Variants in DTNB observed in about 807,000 individuals in gnomAD.
DTNB encodes the protein dystrobrevin beta.
Under a neutral mutation model 90.7 loss-of-function variants are expected in DTNB, and 63 were observed. The ratio of observed to expected loss-of-function variants is 0.69; its 90% CI spans 0.57 to 0.86. The LOEUF (loss-of-function observed/expected upper bound fraction) is 0.86. Among genes scored for constraint, DTNB ranks in the 40% least tolerant of loss-of-function variants. The probability of loss-of-function intolerance (pLI) is 0.00; values close to 1 mark genes in which losing one functional copy is unlikely to be tolerated. For synonymous variants in DTNB, 277 were observed against 286.7 expected (o/e 0.97, Z 0.34); for missense variants, 744 against 807.1 (o/e 0.92, Z 0.95).
At chr2:25,660,002 T>C (rs1165769066) in intron 1 of DTNB, among the ~76,000 whole-genome samples, 1 of 152,152 alleles carries the variant, frequency 6.6e-6, no homozygotes, top group Non-Finnish European at 1.5e-5. Flanking sequence ...GAAAACTTAC[T>C]ACAAAACCAC....
intron 9 of DTNB, among the ~76,000 whole-genome samples, chr2:25,504,095 C>G (rs1299654622): frequency 6.6e-6 from 1 of 152,042 alleles, no homozygotes; most frequent in African/African-American, 2.4e-5. Flanking sequence ...TGGTGAAACC[C>G]TGTCTCTACT....
intron 2 of DTNB, 108 bp downstream of exon 2, chr2:25,652,486 A>C: frequency 8.7e-7 from 1 of 1,148,868 alleles, no homozygotes; most frequent in African/African-American, 1.6e-5. Flanking sequence ...CCCTCTGCAA[A>C]GCTTATAACA....
intron 16 of DTNB, among the ~76,000 whole-genome samples, chr2:25,408,216 G>A (rs2045710756): frequency 6.6e-6 from 1 of 152,148 alleles, no homozygotes; most frequent in African/African-American, 2.4e-5. Flanking sequence ...GGCTGAGGCA[G>A]GAGAATTACT....
chr2:25,535,145 GGGGCAACCGGGCAGAGGTA>G (rs2079195464), intron 8 of DTNB, among the ~76,000 whole-genome samples: 1 of 146,744 alleles, frequency 6.8e-6, no homozygotes, highest in African/African-American at 2.5e-5. Context: ...CTTCCCATTC[GGGGCAACCGGGCAGAGGTA>G]CTCCTCACTT....
At chr2:25,444,804 G>A (rs1272751907) in intron 12 of DTNB, among the ~76,000 whole-genome samples, 1 of 152,144 alleles carries the variant, frequency 6.6e-6, no homozygotes, top group Admixed American at 6.5e-5. Flanking sequence ...AAATTCTTTC[G>A]AGCACTACAC....
intron 1 of DTNB, among the ~76,000 whole-genome samples, chr2:25,665,653 A>G (rs1301623535): frequency 6.6e-6 from 1 of 152,120 alleles, no homozygotes; most frequent in East Asian, 1.9e-4. Flanking sequence ...GTGATGACTA[A>G]GACTCTCATT....
At chr2:25,455,713 G>T (rs746403425) in intron 10 of DTNB, among the ~76,000 whole-genome samples, 2 of 152,226 alleles carry the variant, frequency 1.3e-5, no homozygotes, top group African/African-American at 4.8e-5. Flanking sequence ...TCCTTCAGGA[G>T]TGGCGCTGGC....
chr2:25,521,547 C>T (rs1317073963), intron 9 of DTNB, among the ~76,000 whole-genome samples: 1 of 151,940 alleles, frequency 6.6e-6, no homozygotes, highest in Non-Finnish European at 1.5e-5. Flanking sequence ...CTGTACCCGC[C>T]TAATTTTTAT....
chr2:25,652,053 T>G (rs1473842629), intron 2 of DTNB, among the ~76,000 whole-genome samples: 2 of 152,250 alleles, frequency 1.3e-5, no homozygotes, highest in African/African-American at 4.8e-5. Flanking sequence ...CTGCAAGGAT[T>G]GGGAACCACC....
intron 8 of DTNB, among the ~76,000 whole-genome samples, chr2:25,563,030 G>A (rs6722545): frequency 0.31 from 47,338 of 151,962 alleles, 8,788 homozygotes; most frequent in East Asian, 0.51. Flanking sequence ...TCAGCCTCCC[G>A]AAGTGCTGGG....
At chr2:25,419,295 T>C (rs1243146060) in intron 16 of DTNB, 7 of 658,760 alleles carry the variant, frequency 1.1e-5, no homozygotes, top group Non-Finnish European at 1.9e-5. Context: ...AGATGGGTAC[T>C]TACAAGCTCT....
intron 16 of DTNB, among the ~76,000 whole-genome samples, chr2:25,404,671 A>G (rs773588701): frequency 6.6e-6 from 1 of 152,148 alleles, no homozygotes; most frequent in Non-Finnish European, 1.5e-5. Context: ...CCTGGCCAAC[A>G]TGGTGAAACC....
At chr2:25,490,734 A>C (rs1450110950) in intron 9 of DTNB, among the ~76,000 whole-genome samples, 2 of 152,206 alleles carry the variant, frequency 1.3e-5, no homozygotes, top group Non-Finnish European at 1.5e-5. Flanking sequence ...CAGCATATAG[A>C]AGATAACAAA....
chr2:25,644,462 G>T (rs1040567080), intron 2 of DTNB, among the ~76,000 whole-genome samples: 6 of 152,180 alleles, frequency 3.9e-5, no homozygotes, highest in Non-Finnish European at 8.8e-5. Context: ...ATTTATGATT[G>T]AAAAAATTTT....
intron 8 of DTNB, among the ~76,000 whole-genome samples, chr2:25,559,192 G>A (rs1213685804): frequency 6.6e-6 from 1 of 152,038 alleles, no homozygotes; most frequent in African/African-American, 2.4e-5. Context: ...CCCCTCACGC[G>A]ACCCCAATCC....
At chr2:25,623,805 CA>C (rs2073427278) in intron 4 of DTNB, among the ~76,000 whole-genome samples, 1 of 152,084 alleles carries the variant, frequency 6.6e-6, no homozygotes, top group African/African-American at 2.4e-5. Flanking sequence ...CCAGAAACAA[CA>C]AACAGTACAA....
At chr2:25,655,293 T>A (rs1466631682) in intron 1 of DTNB, among the ~76,000 whole-genome samples, 2 of 152,092 alleles carry the variant, frequency 1.3e-5, no homozygotes, top group Non-Finnish European at 2.9e-5. Context: ...TATGCAGAGG[T>A]CTTAGCTGGG....
chr2:25,596,359 T>C, intron 5 of DTNB, 119 bp from the exon 6 acceptor site: 1 of 1,211,866 alleles, frequency 8.3e-7, no homozygotes, highest in South Asian at 1.7e-5. Context: ...ATAAAATTAT[T>C]GTGACTTTTA....
intron 14 of DTNB, among the ~76,000 whole-genome samples, chr2:25,429,486 A>T (rs577326092): frequency 6.6e-6 from 1 of 152,204 alleles, no homozygotes; most frequent in South Asian, 2.1e-4. Context: ...TCCAAATCTT[A>T]TTCATTCCGT....
Sources: allele counts gnomAD v4.1 joint callset (sites outside exome capture counted in the v4.1 genomes callset), GRCh38; gene constraint gnomAD v4.1.1; transcripts MANE v1.5; gene names NCBI Gene and HGNC (gene_info 2026-07-23, HGNC 2026-07-21).